Variants in DTL observed in about 807,000 individuals in gnomAD.
DTL encodes the protein denticleless protein homolog.
Under a neutral mutation model 87.0 loss-of-function variants are expected in DTL, and 46 were observed. The ratio of observed to expected loss-of-function variants is 0.53; its 90% CI spans 0.42 to 0.68. The LOEUF (loss-of-function observed/expected upper bound fraction) is 0.68. Ranked by LOEUF, DTL falls within the 30% of genes least tolerant of loss-of-function variation. The pLI is 0.00. For missense variants in DTL, 737 were observed against 869.4 expected (o/e 0.85, Z 1.91); for synonymous variants, 308 against 311.2 (o/e 0.99, Z 0.11).
chr1:212,037,696 A>T (rs903569385), intron 1 of DTL, among the ~76,000 whole-genome samples: 1 of 152,254 alleles, frequency 6.6e-6, no homozygotes, highest in South Asian at 2.1e-4. Context: ...GAGAAAGATT[A>T]ATAAAAACAG....
At chr1:212,095,232 T>A (rs1025339626) in intron 13 of DTL, among the ~76,000 whole-genome samples, 1 of 152,230 alleles carries the variant, frequency 6.6e-6, no homozygotes, top group Non-Finnish European at 1.5e-5. Flanking sequence ...TGTGGGTTTG[T>A]CATGGATGGC....
chr1:212,056,472 A>G (rs1668182732), intron 5 of DTL, among the ~76,000 whole-genome samples: 2 of 152,240 alleles, frequency 1.3e-5, no homozygotes, highest in Admixed American at 6.5e-5. Context: ...AACCATCACC[A>G]TAGATACATC....
At chr1:212,059,456 C>T (rs1010967600) in intron 5 of DTL, among the ~76,000 whole-genome samples, 1 of 151,908 alleles carries the variant, frequency 6.6e-6, no homozygotes, top group Non-Finnish European at 1.5e-5. Flanking sequence ...AAAAATAATT[C>T]GATAAAATTC....
intron 5 of DTL, among the ~76,000 whole-genome samples, chr1:212,060,246 A>G (rs1018778159): frequency 5.3e-5 from 8 of 152,134 alleles, no homozygotes; most frequent in African/African-American, 1.9e-4. Context: ...TAGCTAATAT[A>G]ATAACTAAAA....
At position 212,043,691 on chromosome 1, in the gene DTL, G is replaced by A. The variant is rs567547402; in HGVS notation, c.178+573G>A. Among the ~76,000 whole-genome samples, 42 of 152,078 alleles carry A rather than the reference G, an allele frequency of 2.8e-4. No individual in the cohort carries two copies. The South Asian group carries it at 7.9e-3, about 29-fold the overall frequency. ...TAAAATTGCAAAAAATCAGCTGGGC[G>A]TGGTGGCGCACCCCTGTAATCCCAG... is the stretch of plus-strand genomic sequence containing the variant. On this transcript the variant is annotated intron_variant, in intron 2 of 14. Coordinates refer to ENST00000366991, the MANE Select transcript of DTL (RefSeq NM_016448.4).
chr1:212,103,919 CAT>C lies in DTL; in HGVS notation c.*981_*982del, dbSNP rs1177259804. On this transcript the variant is annotated 3_prime_UTR_variant, in exon 15 of 15. Coordinates refer to ENST00000366991, the MANE Select transcript of DTL (RefSeq NM_016448.4). ...TTAACTGAAAATCCAGAACCAGAAACATAAATCTTGAGTTTCTTTTCATGTAC... is the reference window on the plus strand; with the variant it reads ...TTAACTGAAAATCCAGAACCAGAAACAAATCTTGAGTTTCTTTTCATGTAC... The C allele has an allele frequency of 2.0e-5, 3 of 152,114 alleles. No individual in the cohort carries two copies. The highest frequency in any genetic ancestry group is 7.2e-5 in the African/African-American group (3 of 41,428). The allele number at this position is 152,114 out of a possible 1,614,324, so 9.4% of individuals were successfully genotyped here.
intron 6 of DTL, among the ~76,000 whole-genome samples, chr1:212,064,576 C>G (rs1416140153): frequency 6.6e-6 from 1 of 152,176 alleles, no homozygotes; most frequent in Admixed American, 6.5e-5. Context: ...ATTACTTCCC[C>G]CAGTCACATT....
At chr1:212,099,053 A>G (rs1233999761) in intron 13 of DTL, among the ~76,000 whole-genome samples, 1 of 152,150 alleles carries the variant, frequency 6.6e-6, no homozygotes, top group African/African-American at 2.4e-5. Context: ...AGATAGTCAG[A>G]AATGGTTTCC....
intron 13 of DTL, among the ~76,000 whole-genome samples, chr1:212,085,112 T>C (rs1280481509): frequency 6.6e-6 from 1 of 152,190 alleles, no homozygotes; most frequent in Non-Finnish European, 1.5e-5. Flanking sequence ...ACAACCATCT[T>C]TTTTCGTGTT....
chr1:212,052,200 T>G (rs1211177914), intron 5 of DTL, among the ~76,000 whole-genome samples: 2 of 152,228 alleles, frequency 1.3e-5, no homozygotes, highest in African/African-American at 4.8e-5. Flanking sequence ...TTTCAGGATT[T>G]TTTGTCTTTG....
chr1:212,054,946 A>G (rs1668121653), intron 5 of DTL, among the ~76,000 whole-genome samples: 1 of 152,238 alleles, frequency 6.6e-6, no homozygotes, highest in Non-Finnish European at 1.5e-5. Context: ...AAGCTGTTAA[A>G]AGGAATGAAT....
intron 9 of DTL, 33 bp from the exon 10 acceptor site, chr1:212,068,566 C>A: frequency 7.4e-7 from 1 of 1,347,798 alleles, no homozygotes; most frequent in Non-Finnish European, 1.1e-6. Context: ...TCACCATCAT[C>A]AGGACGTGCT....
intron 13 of DTL, among the ~76,000 whole-genome samples, chr1:212,098,799 G>A (rs1248029817): frequency 6.6e-6 from 1 of 151,056 alleles, no homozygotes; most frequent in African/African-American, 2.4e-5. Flanking sequence ...GCACAGGGTG[G>A]AGATCTTGCC....
At chr1:212,090,479 GAATA>G in intron 13 of DTL, among the ~76,000 whole-genome samples, 1 of 152,328 alleles carries the variant, frequency 6.6e-6, no homozygotes, top group South Asian at 2.1e-4. Flanking sequence ...TTGTGACTGA[GAATA>G]AATAAATACC....
intron 11 of DTL, among the ~76,000 whole-genome samples, chr1:212,076,834 G>T (rs1571968088): frequency 6.6e-6 from 1 of 152,208 alleles, no homozygotes; most frequent in Admixed American, 6.5e-5. Flanking sequence ...CTGTGCCATT[G>T]TAGGAGTAGG....
intron 13 of DTL, among the ~76,000 whole-genome samples, chr1:212,081,406 G>A (rs147507148): frequency 6.6e-6 from 1 of 152,236 alleles, no homozygotes; most frequent in Admixed American, 6.5e-5. Context: ...GGAAAGGGAG[G>A]GAATAGTAGT....
chr1:212,074,268 A>T (rs1411451371), intron 11 of DTL, among the ~76,000 whole-genome samples: 1 of 151,718 alleles, frequency 6.6e-6, no homozygotes, highest in Non-Finnish European at 1.5e-5. Flanking sequence ...ATTATATATT[A>T]TGTGTATCTT....
chr1:212,044,662 C>G lies in DTL; in HGVS notation c.181C>G (p.Pro61Ala), dbSNP rs746560465. ...PPFGCTFSSA[P>A]NMEHVLAVAN... ...TTTTTTCTTTATTTCTGCTTTAGCT[C>G]CCAATATGGAACATGTACTAGCAGT... Residue 61 changes from proline (P) to alanine (A), a missense_variant and splice_region_variant, in exon 3 of 15, where the codon CCC becomes GCC. Pro to Ala is a conservative substitution (Grantham distance 27, BLOSUM62 -1). Coordinates refer to ENST00000366991, the MANE Select transcript of DTL (RefSeq NM_016448.4). The G allele has an allele frequency of 2.5e-6, 4 of 1,591,360 alleles. No homozygotes were observed. In the Admixed American group the frequency reaches 6.9e-5, roughly 28 times the overall value.
chr1:212,087,217 C>T (rs1424322778), intron 13 of DTL, among the ~76,000 whole-genome samples: 4 of 152,188 alleles, frequency 2.6e-5, no homozygotes, highest in Admixed American at 2.6e-4. Context: ...TTCTAGAACA[C>T]ATGCTCAGAA....
Sources: allele counts gnomAD v4.1 joint callset (sites outside exome capture counted in the v4.1 genomes callset), GRCh38; gene constraint gnomAD v4.1.1; transcripts MANE v1.5; gene names NCBI Gene and HGNC (gene_info 2026-07-23, HGNC 2026-07-21).